The following MBD2 variants were observed in gnomAD, a reference collection of about 807,000 sequenced individuals.
The protein encoded by MBD2 is methyl-CpG-binding domain protein 2.
Under a neutral mutation model 39.3 loss-of-function variants are expected in MBD2, and 9 were observed. That is an observed-to-expected ratio of 0.23 (90% CI 0.14 to 0.40). MBD2 has a LOEUF of 0.40. Ranked by LOEUF, MBD2 falls within the 10% of genes least tolerant of loss-of-function variation. The pLI, the probability that MBD2 is intolerant of heterozygous loss-of-function variation, is 1.00. For missense variants in MBD2, 458 were observed against 532.6 expected (o/e 0.86, Z 1.38); for synonymous variants, 233 against 211.1 (o/e 1.10, Z -0.90).
Position 54,224,093 on chromosome 18 carries a change from G to A in MBD2, c.467C>T (p.Pro156Leu). Residue 156 changes from proline (P) to leucine (L), a missense_variant, in exon 1 of 7, where the codon CCC becomes CTC. Physicochemically the swap from Pro to Leu is moderately conservative, Grantham distance 98. Transcript: ENST00000256429. Reference sequence around the variant, plus strand: ...CACTTCCTCCTTCTTCCATCCGGGGGGGAGGGCCGGGCAATCCATCCTCTT... The same window carrying A: ...CACTTCCTCCTTCTTCCATCCGGGGAGGAGGGCCGGGCAATCCATCCTCTT... ...SGKRMDCPALPPGWKKEEVIR... is the reference protein window; with the variant it reads ...SGKRMDCPALLPGWKKEEVIR... 6.3e-7 allele frequency: 1 copy of A among 1,595,164 alleles called. No homozygotes were observed. Among genetic ancestry groups the A allele is most frequent in the Non-Finnish European group, 8.5e-7 (1 of 1,174,542 alleles).
At chr18:54,183,450 G>GA (rs973375731) in intron 3 of MBD2, among the ~76,000 whole-genome samples, 36 of 151,670 alleles carry the variant, frequency 2.4e-4, no homozygotes, top group Non-Finnish European at 4.7e-4. Flanking sequence ...AGGGGATTCA[G>GA]AAAAAAAAGT....
At chr18:54,197,183 C>T (rs1289375558) in intron 2 of MBD2, among the ~76,000 whole-genome samples, 1 of 152,216 alleles carries the variant, frequency 6.6e-6, no homozygotes, top group Non-Finnish European at 1.5e-5. Flanking sequence ...ATCATCCCCA[C>T]CTGGACAAAT....
intron 2 of MBD2, among the ~76,000 whole-genome samples, chr18:54,193,217 G>A (rs187460369): frequency 2.0e-5 from 3 of 152,262 alleles, no homozygotes; most frequent in Admixed American, 1.3e-4. Flanking sequence ...AGAATCTAAA[G>A]GACCAATCTA....
intron 2 of MBD2, among the ~76,000 whole-genome samples, chr18:54,189,731 C>T (rs1435147279): frequency 6.6e-6 from 1 of 151,626 alleles, no homozygotes; most frequent in Non-Finnish European, 1.5e-5. Flanking sequence ...CTCACGGCAG[C>T]CTTGACCTCC....
intron 2 of MBD2, among the ~76,000 whole-genome samples, chr18:54,194,287 C>T (rs1016187099): frequency 6.6e-6 from 1 of 152,014 alleles, no homozygotes; most frequent in Non-Finnish European, 1.5e-5. Context: ...ACCTACATTA[C>T]CTATTTATAT....
chr18:54,158,606 A>T (rs556814969), intron 6 of MBD2, among the ~76,000 whole-genome samples: 64 of 152,252 alleles, frequency 4.2e-4, no homozygotes, highest in South Asian at 4.1e-3. Flanking sequence ...TGAGTTTGAG[A>T]TAAGATCAAA....
rs371567893 is a variant in MBD2, at chr18:54,180,397, T to C, written c.840+8477A>G. ...TAAGATTAAAAACAACAAAGAATTA[T>C]GACAGAAAGGAGTGGCAGGGCATTA... On this transcript the variant is annotated intron_variant, in intron 3 of 6. Transcript: ENST00000256429. Among the ~76,000 whole-genome samples, 26 of 152,266 alleles carry C rather than the reference T, an allele frequency of 1.7e-4. No individual in the cohort carries two copies. In the East Asian group the frequency reaches 2.7e-3, roughly 16 times the overall value.
intron 3 of MBD2, among the ~76,000 whole-genome samples, chr18:54,181,539 G>A (rs1012514375): frequency 6.6e-5 from 10 of 151,512 alleles, no homozygotes; most frequent in South Asian, 6.3e-4. Flanking sequence ...TTGCTCTGTC[G>A]CCCAGGCTGG....
intron 3 of MBD2, among the ~76,000 whole-genome samples, chr18:54,177,195 T>C (rs765482457): frequency 2.6e-5 from 4 of 152,260 alleles, no homozygotes; most frequent in Non-Finnish European, 5.9e-5. Flanking sequence ...GCTCCTTCAC[T>C]ACTTTTCACA....
chr18:54,204,853 C>T, intron 2 of MBD2, 145 bp downstream of exon 2: 1 of 695,732 alleles, frequency 1.4e-6, no homozygotes, highest in East Asian at 2.5e-5. Flanking sequence ...CTTATGCTCT[C>T]TCTTGCTGGG....
chr18:54,169,343 C>G (rs1278582653), intron 3 of MBD2, among the ~76,000 whole-genome samples: 3 of 151,040 alleles, frequency 2.0e-5, no homozygotes, highest in Non-Finnish European at 4.4e-5. Flanking sequence ...CTCCAATAGT[C>G]AGTCAGCTCC....
chr18:54,189,845 T>G (rs1399753006), intron 2 of MBD2, among the ~76,000 whole-genome samples: 1 of 151,740 alleles, frequency 6.6e-6, no homozygotes, highest in Non-Finnish European at 1.5e-5. Context: ...AGATGGGGTC[T>G]CCCTACATTA....
chr18:54,201,920 G>C (rs553218986), intron 2 of MBD2, among the ~76,000 whole-genome samples: 1 of 150,990 alleles, frequency 6.6e-6, no homozygotes, highest in Non-Finnish European at 1.5e-5. Context: ...TTCATCACCA[G>C]TAATTCACCT....
intron 2 of MBD2, among the ~76,000 whole-genome samples, chr18:54,203,497 T>C (rs1220949898): frequency 6.6e-6 from 1 of 152,144 alleles, no homozygotes; most frequent in Non-Finnish European, 1.5e-5. Flanking sequence ...CCAACTCAAA[T>C]CCACCCCATA....
chr18:54,221,340 C>A (rs1396997732), intron 1 of MBD2, among the ~76,000 whole-genome samples: 1 of 151,908 alleles, frequency 6.6e-6, no homozygotes, highest in Non-Finnish European at 1.5e-5. Flanking sequence ...CACCTGTAGT[C>A]CCAGCTACTC....
At chr18:54,218,255 G>C (rs1476603580) in intron 1 of MBD2, among the ~76,000 whole-genome samples, 2 of 152,114 alleles carry the variant, frequency 1.3e-5, no homozygotes, top group Non-Finnish European at 2.9e-5. Context: ...TTATTACTCA[G>C]AACAATACTG....
At chr18:54,157,799 G>A (rs2086064082) in intron 6 of MBD2, among the ~76,000 whole-genome samples, 1 of 152,080 alleles carries the variant, frequency 6.6e-6, no homozygotes, top group Non-Finnish European at 1.5e-5. Flanking sequence ...TCAAGTGATG[G>A]CTCAAGTGAA....
At chr18:54,204,949 T>C in intron 2 of MBD2, 49 bp downstream of exon 2, 2 of 1,562,610 alleles carry the variant, frequency 1.3e-6, no homozygotes, top group Non-Finnish European at 1.7e-6. Flanking sequence ...AGATACTTTT[T>C]GAAGAGCTTT....
intron 3 of MBD2, among the ~76,000 whole-genome samples, chr18:54,168,674 T>C (rs2086156324): frequency 7.5e-6 from 1 of 132,494 alleles, no homozygotes. Context: ...TCTTCTCCCA[T>C]CCGCAACCCA....
Sources: allele counts gnomAD v4.1 joint callset (sites outside exome capture counted in the v4.1 genomes callset), GRCh38; gene constraint gnomAD v4.1.1; transcripts MANE v1.5; gene names NCBI Gene and HGNC (gene_info 2026-07-23, HGNC 2026-07-21).